Variants in EDN1 observed in about 807,000 individuals in gnomAD.
The protein encoded by EDN1 is endothelin-1.
In EDN1, 11 loss-of-function variants were observed where a neutral mutation model predicts 21.7. The ratio of observed to expected loss-of-function variants is 0.51; its 90% CI spans 0.32 to 0.84. The LOEUF is 0.84. Ranked by LOEUF, EDN1 falls within the 40% of genes least tolerant of loss-of-function variation. The pLI is 0.03. For synonymous variants in EDN1, 85 were observed against 90.6 expected (o/e 0.94, Z 0.35); for missense variants, 244 against 262.3 (o/e 0.93, Z 0.48).
chr6:12,271,392 T>C, the EDN1 span, among the ~76,000 whole-genome samples: 1 of 152,186 alleles, frequency 6.6e-6, no homozygotes, highest in African/African-American at 2.4e-5. Flanking sequence ...ACATAAAATA[T>C]TGTATAGTTA....
At chr6:12,241,166 C>CT in the EDN1 span, among the ~76,000 whole-genome samples, 192 of 138,326 alleles carry the variant, frequency 1.4e-3, no homozygotes, top group Middle Eastern at 3.7e-3. Flanking sequence ...TTCTTTCTTT[C>CT]TTTTTTTTTT....
In EDN1 at chr6:12,296,875, G is replaced by A. The variant is rs1438235819; in HGVS notation, c.*808G>A. The A allele has an allele frequency of 1.3e-5, 2 of 152,184 alleles. No individual in the cohort carries two copies. Among genetic ancestry groups the A allele is most frequent in the African/African-American group, 4.8e-5 (2 of 41,444 alleles). The allele number at this position is 152,184 out of a possible 1,614,324, so 9.4% of individuals were successfully genotyped here. On this transcript the variant is annotated 3_prime_UTR_variant, in exon 5 of 5. Coordinates refer to ENST00000379375, the MANE Select transcript of EDN1 (RefSeq NM_001955.5). ...GGAGATTCCCTGTCCTTGATTTTTG[G>A]AGACACAATGGTATAGGGTTGTTTA...
At chr6:12,292,084 C>G (rs1201966855) in intron 1 of EDN1, among the ~76,000 whole-genome samples, 1 of 152,186 alleles carries the variant, frequency 6.6e-6, no homozygotes, top group Non-Finnish European at 1.5e-5. Context: ...AGTCCCTTTT[C>G]AGGTGTTTAT....
At chr6:12,243,799 C>T in the EDN1 span, among the ~76,000 whole-genome samples, 5 of 152,100 alleles carry the variant, frequency 3.3e-5, no homozygotes, top group Middle Eastern at 3.4e-3. Context: ...CATAGTGATT[C>T]GAATTTAATT....
At chr6:12,262,134 C>G in the EDN1 span, among the ~76,000 whole-genome samples, 2 of 152,186 alleles carry the variant, frequency 1.3e-5, no homozygotes, top group African/African-American at 4.8e-5. Context: ...TTGAGGTTGA[C>G]TTCATGCACA....
Position 12,296,146 on chromosome 6 carries a change from G to A in EDN1, c.*79G>A, listed in dbSNP as rs1762819231. The A allele has an allele frequency of 1.5e-6, 2 of 1,297,696 alleles. No individual in the cohort carries two copies. Among genetic ancestry groups the A allele is most frequent in the Admixed American group, 3.4e-5 (2 of 59,352 alleles). 80.4% of individuals were successfully genotyped at this position (1,297,696 alleles called of 1,614,324 possible). Reference sequence around the variant, plus strand: ...GACTCTGCACTCTCCACCCTGGCTGGGATCAGAGCAGGAGCATCCTCTGCT... The same window carrying A: ...GACTCTGCACTCTCCACCCTGGCTGAGATCAGAGCAGGAGCATCCTCTGCT... On this transcript the variant is annotated 3_prime_UTR_variant, in exon 5 of 5. Transcript: ENST00000379375.
the EDN1 span, among the ~76,000 whole-genome samples, chr6:12,243,669 A>G: frequency 6.6e-6 from 1 of 152,172 alleles, no homozygotes; most frequent in East Asian, 1.9e-4. Flanking sequence ...TCCTTTTCTG[A>G]TGGTTTTATA....
chr6:12,242,293 T>C, the EDN1 span, among the ~76,000 whole-genome samples: 1 of 152,142 alleles, frequency 6.6e-6, no homozygotes, highest in African/African-American at 2.4e-5. Context: ...TGAAAAGTGG[T>C]AGAGAGATTT....
the EDN1 span, among the ~76,000 whole-genome samples, chr6:12,252,325 TAAAG>T: frequency 6.6e-6 from 1 of 152,190 alleles, no homozygotes; most frequent in African/African-American, 2.4e-5. Flanking sequence ...GGAAAGAGGA[TAAAG>T]AAAAGAACAA....
chr6:12,233,044 G>A, the EDN1 span, among the ~76,000 whole-genome samples: 3 of 152,152 alleles, frequency 2.0e-5, no homozygotes, highest in African/African-American at 7.2e-5. Context: ...CTAATCCTTT[G>A]GCTGGATCCA....
chr6:12,294,216 T>C (rs756054900), intron 3 of EDN1, 45 bp from the exon 4 acceptor site: 1 of 1,613,904 alleles, frequency 6.2e-7, no homozygotes, highest in Admixed American at 1.7e-5. Context: ...AGGGTAAAGC[T>C]GAATATAACA....
the EDN1 span, among the ~76,000 whole-genome samples, chr6:12,258,449 C>CAAAAAAAAAAAAAAA: frequency 1.9e-4 from 12 of 63,670 alleles, no homozygotes; most frequent in African/African-American, 4.9e-4. Flanking sequence ...GATCATGTCT[C>CAAAAAAAAAAAAAAA]AAAAAAAAAA....
At chr6:12,254,391 T>C in the EDN1 span, among the ~76,000 whole-genome samples, 1 of 152,184 alleles carries the variant, frequency 6.6e-6, no homozygotes, top group Non-Finnish European at 1.5e-5. Context: ...CCAAATCTGG[T>C]CGAGTTCCTA....
the EDN1 span, among the ~76,000 whole-genome samples, chr6:12,261,884 G>A: frequency 6.6e-6 from 1 of 152,192 alleles, no homozygotes; most frequent in Admixed American, 6.5e-5. Context: ...GCTCTCAATG[G>A]AATGGAGACT....
the EDN1 span, among the ~76,000 whole-genome samples, chr6:12,262,801 G>A: frequency 2.0e-5 from 3 of 151,810 alleles, no homozygotes; most frequent in African/African-American, 7.3e-5. Context: ...AAACCTGGGA[G>A]GGGGAGGTTG....
At chr6:12,255,255 T>A in the EDN1 span, among the ~76,000 whole-genome samples, 1 of 152,176 alleles carries the variant, frequency 6.6e-6, no homozygotes, top group South Asian at 2.1e-4. Flanking sequence ...TCATAAATTA[T>A]CCACCACATC....
At chr6:12,248,369 C>T in the EDN1 span, among the ~76,000 whole-genome samples, 2 of 152,142 alleles carry the variant, frequency 1.3e-5, no homozygotes, top group Non-Finnish European at 2.9e-5. Flanking sequence ...CCTTAAGCTA[C>T]CCAGCCTATG....
chr6:12,265,412 G>T, the EDN1 span, among the ~76,000 whole-genome samples: 1 of 152,114 alleles, frequency 6.6e-6, no homozygotes, highest in African/African-American at 2.4e-5. Flanking sequence ...GGTAAAATGG[G>T]GTTATCAGGG....
At chr6:12,256,226 G>A in the EDN1 span, among the ~76,000 whole-genome samples, 2 of 152,164 alleles carry the variant, frequency 1.3e-5, no homozygotes, top group African/African-American at 2.4e-5. Context: ...GGTGGTGCAC[G>A]TCTACAGTCC....
Sources: allele counts gnomAD v4.1 joint callset (sites outside exome capture counted in the v4.1 genomes callset), GRCh38; gene constraint gnomAD v4.1.1; transcripts MANE v1.5; gene names NCBI Gene and HGNC (gene_info 2026-07-23, HGNC 2026-07-21).